The following RNF185 variants were observed in gnomAD, a reference collection of about 807,000 sequenced individuals.
RNF185 encodes ring finger protein 185.
In RNF185, 13 loss-of-function variants were observed where a neutral mutation model predicts 24.9. That is an observed-to-expected ratio of 0.52 (90% CI 0.34 to 0.83). The LOEUF is 0.83. RNF185 is among the 40% of genes least tolerant of loss of function. The pLI is 0.01. For synonymous variants in RNF185, 79 were observed against 90.3 expected (o/e 0.88, Z 0.71); for missense variants, 184 against 244.7 (o/e 0.75, Z 1.65).
At chr22:31,169,342 G>A (rs1292008857) in intron 1 of RNF185, among the ~76,000 whole-genome samples, 2 of 152,068 alleles carry the variant, frequency 1.3e-5, no homozygotes, top group Admixed American at 1.3e-4. Flanking sequence ...TACTCTATTG[G>A]TAGTGTCTTT....
intron 6 of RNF185, among the ~76,000 whole-genome samples, chr22:31,203,156 C>G (rs1568974822): frequency 6.6e-6 from 1 of 152,156 alleles, no homozygotes; most frequent in Non-Finnish European, 1.5e-5. Context: ...TTACTTTATC[C>G]CCCTGCCACA....
At position 31,168,894 on chromosome 22, in the gene RNF185, C is replaced by T. The variant is rs112720602; in HGVS notation, c.-49+8591C>T. ...TCTCTATTCAAGTCCTTTGCCCCCC[C>T]GCCCCACCACCACCCTTTAAAAATT... On this transcript the variant is annotated intron_variant, in intron 1 of 6. Transcript: ENST00000326132. 2.1e-3 allele frequency among the ~76,000 whole-genome samples: 321 copies of T among 152,116 alleles called. 2 individuals carry two copies. Among genetic ancestry groups the T allele is most frequent in the Admixed American group, 4.3e-3 (66 of 15,248 alleles).
intron 3 of RNF185, among the ~76,000 whole-genome samples, chr22:31,194,487 T>A (rs546945308): frequency 6.6e-6 from 1 of 152,088 alleles, no homozygotes; most frequent in Non-Finnish European, 1.5e-5. Flanking sequence ...CCCAGCACTT[T>A]GGCAGACCAA....
intron 3 of RNF185, 59 bp from the exon 4 acceptor site, chr22:31,195,410 G>A: frequency 8.5e-7 from 1 of 1,181,550 alleles, no homozygotes; most frequent in Non-Finnish European, 1.2e-6. Flanking sequence ...TGGTGGCTCT[G>A]GCTGATCACT....
rs1244554105 is a variant in RNF185 at position 31,187,162 on chromosome 22, G to A, written c.68G>A (p.Ser23Asn). The stretch of plus-strand genomic sequence containing the variant: ...TCCAGTGCAGGGGGGCCCAGTGGGA[G>A]CAGCAATGGCGCTGGCGAGAGCGGA... ...ENSSAGGPSG[S>N]SNGAGESGGQ... The change falls in exon 2 of 7, where the codon AGC becomes AAC. Residue 23 changes from serine (S) to asparagine (N), a missense_variant. Transcript: ENST00000326132. The A allele has an allele frequency of 6.2e-7, 1 of 1,613,800 alleles. No individual in the cohort carries two copies. The highest frequency in any genetic ancestry group is 1.1e-5 in the South Asian group (1 of 91,070).
Position 31,205,522 on chromosome 22 carries a change from G to A in RNF185, c.*936G>A, listed in dbSNP as rs886551246. ...CCTGTCCCCTAGGCTGCAGAAGCTTGAATGCATCCTCTCCCAGAACCTGCC... is the reference window on the plus strand; with the variant it reads ...CCTGTCCCCTAGGCTGCAGAAGCTTAAATGCATCCTCTCCCAGAACCTGCC... On this transcript the variant is annotated 3_prime_UTR_variant, in exon 7 of 7. Transcript: ENST00000326132. 1.3e-5 allele frequency: 2 copies of A among 152,158 alleles called. No individual in the cohort carries two copies. Among genetic ancestry groups the A allele is most frequent in the African/African-American group, 4.8e-5 (2 of 41,446 alleles). 9.4% of individuals were successfully genotyped at this position (152,158 alleles called of 1,614,324 possible). A position where few individuals can be genotyped will look rare whatever the true frequency, so the allele number is the denominator to read the frequency against.
intron 1 of RNF185, among the ~76,000 whole-genome samples, chr22:31,185,671 C>T (rs2048092005): frequency 1.3e-5 from 2 of 152,174 alleles, no homozygotes; most frequent in African/African-American, 4.8e-5. Context: ...ACTGTGGTAG[C>T]CAGCGAACAT....
chr22:31,187,376 C>G, intron 2 of RNF185, 106 bp downstream of exon 2: 1 of 1,244,670 alleles, frequency 8.0e-7, no homozygotes, highest in Non-Finnish European at 1.1e-6. Context: ...TGGGAATACA[C>G]TCAGGCTCAA....
chr22:31,204,415 A>C lies in RNF185; in HGVS notation c.482-74A>C, dbSNP rs189104715. ...AAAGAGATAAAGATTGATGCTGTCA[A>C]CTTCTGGCCTGAGTGGGCAGTGTGC... On this transcript the variant is annotated intron_variant, in intron 6 of 6. Transcript: ENST00000326132. 4.7e-6 allele frequency: 4 copies of C among 853,984 alleles called. No homozygotes were observed. The East Asian group carries it at 9.7e-5, about 21-fold the overall frequency. The allele number at this position is 853,984 out of a possible 1,614,324, so 52.9% of individuals were successfully genotyped here.
At chr22:31,196,878 A>G in intron 4 of RNF185, 58 bp from the exon 5 acceptor site, 1 of 1,599,788 alleles carries the variant, frequency 6.3e-7, no homozygotes, top group Non-Finnish European at 8.5e-7. Context: ...CCAGGTCCTC[A>G]CAGGGAGCAA....
intron 2 of RNF185, among the ~76,000 whole-genome samples, chr22:31,189,846 G>A (rs1003901285): frequency 3.3e-5 from 5 of 151,966 alleles, no homozygotes; most frequent in Non-Finnish European, 4.4e-5. Flanking sequence ...TGCCCGCCTC[G>A]GCCTCCCATA....
chr22:31,202,152 T>G (rs1430278988), intron 6 of RNF185, among the ~76,000 whole-genome samples: 1 of 152,146 alleles, frequency 6.6e-6, no homozygotes, highest in Non-Finnish European at 1.5e-5. Context: ...GAACCATGCC[T>G]AGGTCTACCA....
At chr22:31,199,039 G>T (rs1169808764) in intron 5 of RNF185, among the ~76,000 whole-genome samples, 1 of 150,426 alleles carries the variant, frequency 6.6e-6, no homozygotes, top group Non-Finnish European at 1.5e-5. Context: ...GGCAGAGGTT[G>T]CAGTGAGCTG....
At chr22:31,174,530 C>T (rs991855022) in intron 1 of RNF185, among the ~76,000 whole-genome samples, 3 of 152,074 alleles carry the variant, frequency 2.0e-5, no homozygotes, top group Non-Finnish European at 4.4e-5. Flanking sequence ...CAGGCACACG[C>T]CACCATACCT....
At chr22:31,173,724 T>C (rs1315837157) in intron 1 of RNF185, among the ~76,000 whole-genome samples, 2 of 152,188 alleles carry the variant, frequency 1.3e-5, no homozygotes, top group African/African-American at 2.4e-5. Context: ...AGATAATTCA[T>C]GTAGAGGGCT....
chr22:31,200,529 G>T (rs2048251403), intron 5 of RNF185, among the ~76,000 whole-genome samples: 1 of 152,212 alleles, frequency 6.6e-6, no homozygotes, highest in Non-Finnish European at 1.5e-5. Flanking sequence ...ATATGTCCTA[G>T]TGCTTAACAT....
intron 1 of RNF185, among the ~76,000 whole-genome samples, chr22:31,181,500 A>C (rs1323601923): frequency 1.3e-5 from 2 of 152,070 alleles, no homozygotes; most frequent in African/African-American, 4.8e-5. Flanking sequence ...GGAGTATTTT[A>C]AAGCAAATCC....
chr22:31,193,853 C>T (rs1445788057), intron 3 of RNF185, among the ~76,000 whole-genome samples: 2 of 150,770 alleles, frequency 1.3e-5, no homozygotes, highest in African/African-American at 2.4e-5. Flanking sequence ...CAAACAAAAA[C>T]AAACCAAAAA....
At chr22:31,202,592 A>G (rs918542681) in intron 6 of RNF185, among the ~76,000 whole-genome samples, 3 of 145,808 alleles carry the variant, frequency 2.1e-5, no homozygotes, top group African/African-American at 5.1e-5. Context: ...CAGCACCAAG[A>G]TATCTTGGGA....
Sources: gnomAD v4.1 joint callset for allele counts (sites outside exome capture counted in the v4.1 genomes callset) on GRCh38, gnomAD v4.1.1 for gene constraint, MANE v1.5 for transcripts, NCBI Gene and HGNC (gene_info 2026-07-23, HGNC 2026-07-21) for gene names.